PSORS1C1: variants seen among roughly 807,000 people sequenced by gnomAD.
PSORS1C1 encodes psoriasis susceptibility 1 candidate gene 1 protein.
A neutral mutation model predicts 9.4 loss-of-function variants in PSORS1C1; 7 were observed. The ratio of observed to expected loss-of-function variants is 0.75; its 90% CI spans 0.42 to 1.40. The LOEUF is 1.40. PSORS1C1 is among the 40% of genes most tolerant of loss of function. PSORS1C1 has a pLI of 0.01. For synonymous variants in PSORS1C1, 63 were observed against 69.4 expected (o/e 0.91, Z 0.46); for missense variants, 146 against 178.1 (o/e 0.82, Z 1.02).
intron 1 of PSORS1C1, among the ~76,000 whole-genome samples, chr6:31,120,116 A>G (rs1772375191): frequency 6.6e-6 from 1 of 152,120 alleles, no homozygotes; most frequent in African/African-American, 2.4e-5. Context: ...TTAATTTGAG[A>G]CACACAGACT....
rs3132557 is a variant in PSORS1C1, at chr6:31,138,632, A to G, written c.44-24A>G. 0.43 allele frequency: 693,973 copies of G among 1,611,584 alleles called. 151,171 individuals are homozygous for G. Among genetic ancestry groups the G allele is most frequent in the East Asian group, 0.52 (23,219 of 44,774 alleles). ...GTCCTCAGGCCAACCTGCAACCCAAAGTGGGTTACACCTTGGCCCCCAGGC... is the reference window on the plus strand; with the variant it reads ...GTCCTCAGGCCAACCTGCAACCCAAGGTGGGTTACACCTTGGCCCCCAGGC... On this transcript the variant is annotated intron_variant, in intron 4 of 5. Transcript: ENST00000259881.
Position 31,128,035 on chromosome 6 carries a change from A to T in PSORS1C1, c.-64-1534A>T, listed in dbSNP as rs1409828054. Reference sequence around the variant, plus strand: ...CTCTCCTGTAGACCGCTGGCTCATGAAATAATCAGGGAGAGAATGTGTAAA... The same window carrying T: ...CTCTCCTGTAGACCGCTGGCTCATGTAATAATCAGGGAGAGAATGTGTAAA... On this transcript the variant is annotated intron_variant, in intron 2 of 5. Coordinates refer to ENST00000259881, the MANE Select transcript of PSORS1C1 (RefSeq NM_014068.3). This position sits in a 1 kb window ranked among gnomAD's most constrained non-coding sequence, Gnocchi z 4.3. Among the ~76,000 whole-genome samples, 4 of 152,124 alleles carry T rather than the reference A, an allele frequency of 2.6e-5. No homozygotes were observed. Among genetic ancestry groups the T allele is most frequent in the African/African-American group, 9.7e-5 (4 of 41,404 alleles).
chr6:31,128,841 A>G lies in PSORS1C1; in HGVS notation c.-64-728A>G, dbSNP rs186290407. ...CCCTCTCTAATTTAACTTTTTATCAAATTTTATTGTCATGATGTATATGTT... is the reference window on the plus strand; with the variant it reads ...CCCTCTCTAATTTAACTTTTTATCAGATTTTATTGTCATGATGTATATGTT... On this transcript the variant is annotated intron_variant, in intron 2 of 5. Coordinates refer to ENST00000259881, the MANE Select transcript of PSORS1C1 (RefSeq NM_014068.3). This position sits in a 1 kb window ranked among gnomAD's most constrained non-coding sequence, Gnocchi z 4.3. 1.5e-3 allele frequency among the ~76,000 whole-genome samples: 225 copies of G among 152,238 alleles called. 1 individual carries two copies. Among genetic ancestry groups the G allele is most frequent in the African/African-American group, 5.2e-3 (217 of 41,528 alleles).
In PSORS1C1 at chr6:31,139,467, G is replaced by C; in HGVS notation, c.168-174G>C. On this transcript the variant is annotated intron_variant, in intron 5 of 5. Coordinates refer to ENST00000259881, the MANE Select transcript of PSORS1C1 (RefSeq NM_014068.3). This position sits in a 1 kb window ranked among gnomAD's most constrained non-coding sequence, Gnocchi z 5.2. ...GGTTGGGAGGCAGGATGCCTGCGCT[G>C]AGGGAGGAGGTGCTTTTCAAACCTG... 1 of 623,920 alleles carries C rather than the reference G, an allele frequency of 1.6e-6. No individual in the cohort carries two copies. Among genetic ancestry groups the C allele is most frequent in the Non-Finnish European group, 2.8e-6 (1 of 357,794 alleles). The allele number at this position is 623,920 out of a possible 1,614,324, so 38.6% of individuals were successfully genotyped here.
At chr6:31,138,209 A>G in intron 3 of PSORS1C1, 1 of 1,570,676 alleles carries the variant, frequency 6.4e-7, no homozygotes, top group South Asian at 1.2e-5. Flanking sequence ...GCCAAGGGTC[A>G]CCGGGGACTG....
At chr6:31,129,205 C>T (rs1477450544) in intron 2 of PSORS1C1, among the ~76,000 whole-genome samples, 1 of 152,048 alleles carries the variant, frequency 6.6e-6, no homozygotes. Flanking sequence ...CATTTAATAA[C>T]TATCTGTCAT....
In PSORS1C1 at chr6:31,139,622, C is replaced by T; in HGVS notation, c.168-19C>T. ...CCATGGGATCCAGGCATCCTGCTCT[C>T]CACCATGTCCTTCTTCAGGCATGCA... On this transcript the variant is annotated intron_variant, in intron 5 of 5. Coordinates refer to ENST00000259881, the MANE Select transcript of PSORS1C1 (RefSeq NM_014068.3). This position sits in a 1 kb window ranked among gnomAD's most constrained non-coding sequence, Gnocchi z 5.2. The T allele has an allele frequency of 1.9e-6, 3 of 1,593,798 alleles. No individual in the cohort carries two copies. Among genetic ancestry groups the T allele is most frequent in the Non-Finnish European group, 2.6e-6 (3 of 1,169,644 alleles).
intron 1 of PSORS1C1, among the ~76,000 whole-genome samples, chr6:31,121,078 C>A (rs1310545057): frequency 6.6e-6 from 1 of 151,034 alleles, no homozygotes; most frequent in African/African-American, 2.4e-5. Flanking sequence ...ACCTGGGGAA[C>A]TTTCTCCTTC....
intron 2 of PSORS1C1, among the ~76,000 whole-genome samples, chr6:31,129,260 C>A (rs1772806475): frequency 6.6e-6 from 1 of 152,114 alleles, no homozygotes; most frequent in East Asian, 1.9e-4. Flanking sequence ...TGATCCTATT[C>A]TGTTATTTAA....
In PSORS1C1 at chr6:31,126,946, G is replaced by C. The variant is rs371644503; in HGVS notation, c.-65+1107G>C. On this transcript the variant is annotated intron_variant, in intron 2 of 5. Transcript: ENST00000259881. The stretch of plus-strand genomic sequence containing the variant: ...AGGCACACAGAGGCTGTGATTAGCT[G>C]TCACAGTAGCAAGACTGTTCCCCTC... 6.2e-4 allele frequency among the ~76,000 whole-genome samples: 94 copies of C among 152,330 alleles called. No homozygotes were observed. In the East Asian group the frequency reaches 8.1e-3, roughly 13 times the overall value.
chr6:31,121,173 T>TTGG (rs143856169), intron 1 of PSORS1C1, among the ~76,000 whole-genome samples: 2 of 130,466 alleles, frequency 1.5e-5, no homozygotes, highest in South Asian at 2.7e-4. Context: ...GTGGCGGGGG[T>TTGG]GGGGGGGTGC....
rs141603237 is a variant in PSORS1C1, at chr6:31,134,099, C to T, written c.14-4331C>T. 0.01 allele frequency among the ~76,000 whole-genome samples: 1,537 copies of T among 151,964 alleles called. 66 individuals carry two copies. The East Asian group carries it at 0.13, about 13-fold the overall frequency. The stretch of plus-strand genomic sequence containing the variant: ...GTTCAATGGATTCTCCTGCCTCAGC[C>T]TCCTGAGAAGCTGGGATTACAGGCG... On this transcript the variant is annotated intron_variant, in intron 3 of 5. Coordinates refer to ENST00000259881, the MANE Select transcript of PSORS1C1 (RefSeq NM_014068.3).
In PSORS1C1 at chr6:31,115,706, C is replaced by T. The variant is rs1296250288; in HGVS notation, c.-229+815C>T. ...TTGAGAAGCTGATGGGGGTGTTACT[C>T]AATGGACCATTTCCACACAGTAGAG... On this transcript the variant is annotated intron_variant, in intron 1 of 5. Transcript: ENST00000259881. This position sits in a 1 kb window ranked among gnomAD's most constrained non-coding sequence, Gnocchi z 4.2. The T allele has an allele frequency of 1.7e-5, 7 of 409,070 alleles. No individual in the cohort carries two copies. Among genetic ancestry groups the T allele is most frequent in the Non-Finnish European group, 1.3e-5 (3 of 229,106 alleles). The allele number at this position is 409,070 out of a possible 1,614,324, so 25.3% of individuals were successfully genotyped here.
chr6:31,133,878 T>C (rs991915430), intron 3 of PSORS1C1, among the ~76,000 whole-genome samples: 1 of 152,242 alleles, frequency 6.6e-6, no homozygotes, highest in African/African-American at 2.4e-5. Context: ...GCTTGGGGCC[T>C]ATTTAATTCT....
chr6:31,134,304 T>C (rs1353632327), intron 3 of PSORS1C1, among the ~76,000 whole-genome samples: 1 of 149,828 alleles, frequency 6.7e-6, no homozygotes, highest in African/African-American at 2.5e-5. Context: ...TTTGGTTTTT[T>C]ATTTGTTTGT....
chr6:31,136,638 AAC>A (rs1465156956), intron 3 of PSORS1C1, among the ~76,000 whole-genome samples: 1 of 152,154 alleles, frequency 6.6e-6, no homozygotes, highest in Non-Finnish European at 1.5e-5. Flanking sequence ...TAGGCCATTA[AAC>A]AGAGATGAAA....
intron 1 of PSORS1C1, among the ~76,000 whole-genome samples, chr6:31,124,963 G>A (rs902994811): frequency 2.1e-4 from 9 of 43,680 alleles, no homozygotes; most frequent in Middle Eastern, 0.016. Context: ...GTGAGACTCC[G>A]TCTCAAAAAA....
chr6:31,122,098 GGGTTCAAGTCCCA>G (rs1772489896), intron 1 of PSORS1C1, among the ~76,000 whole-genome samples: 1 of 152,196 alleles, frequency 6.6e-6, no homozygotes, highest in South Asian at 2.1e-4. Flanking sequence ...AAGATGACGT[GGGTTCAAGTCCCA>G]GCTAACCTCT....
chr6:31,131,429 T>TA lies in PSORS1C1; in HGVS notation c.13+1793dup, dbSNP rs28993424. On this transcript the variant is annotated intron_variant, in intron 3 of 5. Coordinates refer to ENST00000259881, the MANE Select transcript of PSORS1C1 (RefSeq NM_014068.3). ...CAACATGGTGAAACCCCGTGTCTAC[T>TA]AAAAAAAAACTACAAAAATTAGCCA... Among the ~76,000 whole-genome samples, 135 of 150,376 alleles carry TA rather than the reference T, an allele frequency of 9.0e-4. 1 individual carries two copies. In the East Asian group the frequency reaches 0.013, roughly 14 times the overall value.
Sources: allele counts gnomAD v4.1 joint callset (sites outside exome capture counted in the v4.1 genomes callset), GRCh38; gene constraint gnomAD v4.1.1; non-coding constraint Gnocchi (gnomAD v3.1); transcripts MANE v1.5; gene names NCBI Gene and HGNC (gene_info 2026-07-23, HGNC 2026-07-21).